Variants in NLRC5 observed in about 807,000 individuals in gnomAD.
The protein encoded by NLRC5 is NLR family CARD domain containing 5, also known as protein NLRC5.
Under a neutral mutation model 206.9 loss-of-function variants are expected in NLRC5, and 114 were observed. That is an observed-to-expected ratio of 0.55 (90% confidence interval 0.47 to 0.64). NLRC5 has a LOEUF of 0.64. Ranked by LOEUF, NLRC5 falls within the 30% of genes least tolerant of loss-of-function variation. The pLI is 0.00. For synonymous variants in NLRC5, 952 were observed against 962.8 expected, an observed-to-expected ratio of 0.99 and a Z score of 0.21; for missense variants, 2,008 against 2,305.5, an observed-to-expected ratio of 0.87 and a Z score of 2.64.
intron 21 of NLRC5, 99 bp downstream of exon 21, chr16:57,045,591 C>A: frequency 8.9e-7 from 1 of 1,127,128 alleles, no homozygotes; most frequent in South Asian, 1.3e-5. Context: ...CCACTCAGCT[C>A]TCAGTTAAAC....
rs145795642 is a variant in NLRC5 at position 57,037,087 on chromosome 16, C to T, written c.2712-108C>T. Reference sequence around the variant, plus strand: ...TCCCCTGGCAAGGGACCTAGGACATCCAGGAGTGACAGCCAGCAAGCTGCT... The same window carrying T: ...TCCCCTGGCAAGGGACCTAGGACATTCAGGAGTGACAGCCAGCAAGCTGCT... On this transcript the variant is annotated intron_variant, in intron 14 of 48. Transcript: ENST00000688547. 6.5e-4 allele frequency: 598 copies of T among 913,476 alleles called. 2 individuals are homozygous for T. In the African/African-American group the frequency reaches 8.4e-3, roughly 13 times the overall value. 56.6% of individuals were successfully genotyped at this position (913,476 alleles called of 1,614,324 possible). A position where few individuals can be genotyped will look rare whatever the true frequency, so the allele number is the denominator to read the frequency against.
intron 24 of NLRC5, among the ~76,000 whole-genome samples, chr16:57,053,292 T>C (rs2065171225): frequency 6.6e-6 from 1 of 152,094 alleles, no homozygotes; most frequent in African/African-American, 2.4e-5. Context: ...AGCAGGGAAC[T>C]GCATTCCAGG....
rs1265901630 is a variant in NLRC5, at chr16:57,083,176, C to G, written c.*648C>G. On this transcript the variant is annotated 3_prime_UTR_variant, in exon 49 of 49. Coordinates refer to ENST00000688547, the MANE Select transcript of NLRC5 (RefSeq NM_001384950.1). ...AAGCCAGGGACTCAGCCATTAAGTC[C>G]CCTCCTGCCTCAATCCTCAGCCTAC... 1 of 152,292 alleles carries G rather than the reference C, an allele frequency of 6.6e-6. No homozygotes were observed. Among genetic ancestry groups the G allele is most frequent in the Non-Finnish European group, 1.5e-5 (1 of 68,156 alleles). The allele number at this position is 152,292 out of a possible 1,614,324, so 9.4% of individuals were successfully genotyped here.
At chr16:57,015,602 A>AG (rs1452392078) in intron 1 of NLRC5, among the ~76,000 whole-genome samples, 1 of 97,906 alleles carries the variant, frequency 1.0e-5, no homozygotes, top group African/African-American at 3.9e-5. Context: ...AAATAAATAA[A>AG]TAAATAAATA....
intron 5 of NLRC5, 81 bp downstream of exon 5, chr16:57,023,934 C>T: frequency 7.6e-6 from 10 of 1,312,036 alleles, no homozygotes; most frequent in Non-Finnish European, 1.1e-5. Context: ...GACCTTGTCC[C>T]CTGCCAATAA....
intron 41 of NLRC5, 128 bp downstream of exon 41, chr16:57,077,507 C>T (rs1035712383): frequency 1.0e-6 from 1 of 976,956 alleles, no homozygotes. Context: ...GGCAGTGGGG[C>T]TCGGTGACCT....
At chr16:57,060,639 C>T (rs2066344100) in intron 30 of NLRC5, among the ~76,000 whole-genome samples, 1 of 149,320 alleles carries the variant, frequency 6.7e-6, no homozygotes. Flanking sequence ...ACCACATACA[C>T]AACACACACA....
chr16:57,033,103 G>C (rs1418150239), intron 11 of NLRC5, among the ~76,000 whole-genome samples: 1 of 152,166 alleles, frequency 6.6e-6, no homozygotes, highest in Non-Finnish European at 1.5e-5. Context: ...CAGTGGGAGA[G>C]AGTCTGTGGT....
At chr16:57,003,238 C>T (rs570724138) in intron 1 of NLRC5, among the ~76,000 whole-genome samples, 4 of 152,110 alleles carry the variant, frequency 2.6e-5, no homozygotes, top group East Asian at 1.9e-4. Context: ...TAAGTAGAGA[C>T]GAGGTTTCCT....
rs199475986 is a variant in NLRC5 at position 57,040,202 on chromosome 16, T to C, written c.2870+353T>C. Among the ~76,000 whole-genome samples, 1 of 152,220 alleles carries C rather than the reference T, an allele frequency of 6.6e-6. No individual in the cohort carries two copies. Among genetic ancestry groups the C allele is most frequent in the African/African-American group, 2.4e-5 (1 of 41,514 alleles). On this transcript the variant is annotated intron_variant, in intron 16 of 48. Transcript: ENST00000688547. ...TCTGGTCCTGGTCGGAACTTCTGTA[T>C]CCCTTTCACACAAGGACCCATTAGG...
chr16:57,032,264 G>A (rs12598913), intron 11 of NLRC5, among the ~76,000 whole-genome samples: 43,753 of 151,614 alleles, frequency 0.29, 6,563 homozygotes, highest in Middle Eastern at 0.41. Context: ...GGCAGGCGTG[G>A]TGGTGCACAC....
At chr16:57,077,595 G>T in intron 41 of NLRC5, 124 bp from the exon 42 acceptor site, 1 of 1,026,678 alleles carries the variant, frequency 9.7e-7, no homozygotes, top group Non-Finnish European at 1.4e-6. Flanking sequence ...TGTCTGGGTA[G>T]GTGTGTGGTG....
intron 1 of NLRC5, among the ~76,000 whole-genome samples, chr16:56,994,506 A>G (rs1318818156): frequency 6.6e-6 from 1 of 152,216 alleles, no homozygotes; most frequent in Non-Finnish European, 1.5e-5. Flanking sequence ...AGGCAGTAGA[A>G]ACAGACAAAC....
intron 1 of NLRC5, among the ~76,000 whole-genome samples, chr16:57,008,533 G>GA (rs35048418): frequency 0.71 from 107,840 of 152,010 alleles, 39,119 homozygotes; most frequent in Non-Finnish European, 0.8. Context: ...TACCAAGCAA[G>GA]AAAAAATCTC....
chr16:57,028,465 G>A (rs2061473715), intron 8 of NLRC5, 80 bp downstream of exon 8: 7 of 1,097,848 alleles, frequency 6.4e-6, no homozygotes, highest in Admixed American at 1.7e-5. Flanking sequence ...GGGCCTGCAT[G>A]TTCCTCCAAG....
At chr16:57,045,339 A>C (rs527312073) in intron 20 of NLRC5, 109 bp from the exon 21 acceptor site, 1 of 945,920 alleles carries the variant, frequency 1.1e-6, no homozygotes, top group African/African-American at 1.6e-5. Context: ...TTTGCTAAGA[A>C]AGCAGGCCAC....
At chr16:57,003,634 G>A (rs1038565390) in intron 1 of NLRC5, among the ~76,000 whole-genome samples, 9 of 152,012 alleles carry the variant, frequency 5.9e-5, no homozygotes, top group Non-Finnish European at 4.4e-5. Flanking sequence ...AAGTGTGACC[G>A]ACCACCCAGA....
At chr16:57,048,787 G>A (rs2064378047) in intron 23 of NLRC5, among the ~76,000 whole-genome samples, 1 of 152,160 alleles carries the variant, frequency 6.6e-6, no homozygotes, top group African/African-American at 2.4e-5. Flanking sequence ...ACCTTCCTCA[G>A]CCTCCCAAAG....
At chr16:57,035,211 G>A (rs1567573942) in intron 13 of NLRC5, among the ~76,000 whole-genome samples, 1 of 151,998 alleles carries the variant, frequency 6.6e-6, no homozygotes, top group East Asian at 1.9e-4. Context: ...TACTGGTAGC[G>A]CTCAAAACTA....
Sources: gnomAD v4.1 joint callset for allele counts (sites outside exome capture counted in the v4.1 genomes callset) on GRCh38, gnomAD v4.1.1 for gene constraint, MANE v1.5 for transcripts, NCBI Gene and HGNC (gene_info 2026-07-23, HGNC 2026-07-21) for gene names.